RYR3: variants seen among roughly 807,000 people sequenced by gnomAD.
The protein encoded by RYR3 is ryanodine receptor 3, also known as brain ryanodine receptor-calcium release channel.
Under a neutral mutation model 584.3 loss-of-function variants are expected in RYR3, and 207 were observed. The ratio of observed to expected loss-of-function variants is 0.35; its 90% CI spans 0.32 to 0.40. The LOEUF is 0.40. Ranked by LOEUF, RYR3 falls within the 10% of genes least tolerant of loss-of-function variation. The probability of loss-of-function intolerance (pLI) is 1.00; values close to 1 mark genes in which losing one functional copy is unlikely to be tolerated. For missense variants in RYR3, 5,616 were observed against 6,089.2 expected, an observed-to-expected ratio of 0.92 and a Z score of 2.59; for synonymous variants, 2,416 against 2,248.5, an observed-to-expected ratio of 1.07 and a Z score of -2.11.
intron 76 of RYR3, 49 bp from the exon 77 acceptor site, chr15:33,819,706 AT>A: frequency 1.1e-6 from 1 of 949,558 alleles, no homozygotes; most frequent in Non-Finnish European, 1.5e-6. Flanking sequence ...AAATAAATAA[AT>A]AAATAAATAA....
chr15:33,328,737 C>A (rs1970037015), intron 1 of RYR3, among the ~76,000 whole-genome samples: 1 of 152,116 alleles, frequency 6.6e-6, no homozygotes, highest in African/African-American at 2.4e-5. Context: ...ATTTTGTAAC[C>A]TTTTAATAAG....
At chr15:33,663,785 A>T in intron 36 of RYR3, 48 bp downstream of exon 36, 1 of 1,505,910 alleles carries the variant, frequency 6.6e-7, no homozygotes, top group Non-Finnish European at 9.0e-7. Context: ...GAAGAACTTG[A>T]GACCTATGGA....
chr15:33,785,556 C>G (rs2074653882), intron 65 of RYR3, 106 bp from the exon 66 acceptor site: 2 of 925,692 alleles, frequency 2.2e-6, no homozygotes, highest in African/African-American at 1.7e-5. Flanking sequence ...CTGTGAAGCT[C>G]TAGAAATTTA....
intron 2 of RYR3, among the ~76,000 whole-genome samples, chr15:33,484,105 C>T (rs957420144): frequency 3.3e-5 from 5 of 151,896 alleles, no homozygotes; most frequent in African/African-American, 1.2e-4. Flanking sequence ...GGTAGTTCCA[C>T]CATTACCTGA....
intron 60 of RYR3, among the ~76,000 whole-genome samples, 175 bp from the exon 61 acceptor site, chr15:33,768,483 C>G (rs4779644): frequency 0.27 from 41,642 of 152,124 alleles, 7,063 homozygotes; most frequent in Admixed American, 0.46. Context: ...CAGTGTGAAC[C>G]ACACATGTTC....
intron 2 of RYR3, 60 bp downstream of exon 2, chr15:33,473,598 G>A (rs2049125576): frequency 1.9e-6 from 3 of 1,561,668 alleles, no homozygotes; most frequent in East Asian, 4.5e-5. Context: ...AAGTCATTTA[G>A]GGGAGATACT....
chr15:33,829,576 A>C (rs961359137), intron 85 of RYR3, among the ~76,000 whole-genome samples: 1 of 151,828 alleles, frequency 6.6e-6, no homozygotes, highest in South Asian at 2.1e-4. Context: ...GTGAAACCCC[A>C]TCTCTACTAA....
intron 17 of RYR3, 109 bp from the exon 18 acceptor site, chr15:33,603,014 T>C (rs1250479403): frequency 8.7e-7 from 1 of 1,150,000 alleles, no homozygotes; most frequent in East Asian, 2.4e-5. Context: ...ATACACAGCA[T>C]TGCTCTTGTC....
intron 35 of RYR3, 85 bp from the exon 36 acceptor site, chr15:33,663,452 C>G: frequency 8.7e-7 from 1 of 1,155,704 alleles, no homozygotes; most frequent in Non-Finnish European, 1.2e-6. Context: ...TTGTCTAAGT[C>G]TCAGTGCTAC....
chr15:33,847,118 C>T (rs985940097), intron 93 of RYR3: 27 of 152,226 alleles, frequency 1.8e-4, no homozygotes, highest in African/African-American at 4.6e-4. Flanking sequence ...ATCCAAAACA[C>T]GGCAGGCATT....
At chr15:33,494,663 A>G (rs970530513) in intron 2 of RYR3, among the ~76,000 whole-genome samples, 46 of 151,812 alleles carry the variant, frequency 3.0e-4, no homozygotes, top group African/African-American at 1.1e-3. Context: ...ACCTCCCAGA[A>G]AAAAGAATAT....
Position 33,660,424 on chromosome 15 carries a change from G to C in RYR3, c.4622+1G>C. On this transcript the variant is annotated splice_donor_variant, in intron 34 of 103. Coordinates refer to ENST00000634891, the MANE Select transcript of RYR3 (RefSeq NM_001036.6). LOFTEE classifies it high-confidence loss of function. ...CGCTCCACATCCCCGAGGAGAACAG[G>C]TACCAGAGGGGCCCGCGAAGGAAGG... The C allele has an allele frequency of 6.5e-7, 1 of 1,547,394 alleles. No individual in the cohort carries two copies. The highest frequency in any genetic ancestry group is 1.9e-5 in the Admixed American group (1 of 51,354).
intron 22 of RYR3, 32 bp downstream of exon 22, chr15:33,630,075 A>G (rs761251466): frequency 8.2e-7 from 1 of 1,215,754 alleles, no homozygotes; most frequent in Non-Finnish European, 1.2e-6. Context: ...AGTTTTACAA[A>G]CAATGAATAG....
chr15:33,372,331 C>T (rs1047084400), intron 1 of RYR3, among the ~76,000 whole-genome samples: 2 of 149,404 alleles, frequency 1.3e-5, no homozygotes, highest in Non-Finnish European at 3.0e-5. Flanking sequence ...AGCTGGGACT[C>T]AAGATGCACT....
chr15:33,495,314 C>T (rs543000353), intron 2 of RYR3, among the ~76,000 whole-genome samples: 1 of 152,278 alleles, frequency 6.6e-6, no homozygotes, highest in South Asian at 2.1e-4. Flanking sequence ...GGAATGGGAA[C>T]TCTATCTCCA....
At chr15:33,611,782 C>T (rs28608767) in intron 18 of RYR3, among the ~76,000 whole-genome samples, 29,841 of 151,690 alleles carry the variant, frequency 0.2, 3,020 homozygotes, top group Admixed American at 0.27. Flanking sequence ...CCTCAGCCCC[C>T]TAAGTAGCTG....
chr15:33,819,910 G>A (rs2077023751), intron 77 of RYR3, 103 bp downstream of exon 77: 1 of 837,484 alleles, frequency 1.2e-6, no homozygotes, highest in Admixed American at 2.0e-5. Flanking sequence ...CTGGGACTTT[G>A]TCATGACATA....
chr15:33,755,841 C>T (rs2152858665), intron 58 of RYR3, among the ~76,000 whole-genome samples: 1 of 152,252 alleles, frequency 6.6e-6, no homozygotes, highest in East Asian at 1.9e-4. Flanking sequence ...ACAGTCTTGG[C>T]TCACAGCAGC....
intron 1 of RYR3, among the ~76,000 whole-genome samples, chr15:33,382,637 T>C (rs952042576): frequency 3.9e-5 from 6 of 152,190 alleles, no homozygotes; most frequent in African/African-American, 1.2e-4. Context: ...AATGACATTT[T>C]ATACTTTCAA....
Sources: gnomAD v4.1 joint callset for allele counts (sites outside exome capture counted in the v4.1 genomes callset) on GRCh38, gnomAD v4.1.1 for gene constraint, MANE v1.5 for transcripts, NCBI Gene and HGNC (gene_info 2026-07-23, HGNC 2026-07-21) for gene names.